MYO3A: variants seen among roughly 807,000 people sequenced by gnomAD.
MYO3A encodes myosin-IIIa.
Under a neutral mutation model 192.7 loss-of-function variants are expected in MYO3A, and 180 were observed. That is an observed-to-expected ratio of 0.93 (90% CI 0.83 to 1.06). The LOEUF (loss-of-function observed/expected upper bound fraction) is 1.06, where lower values mean the gene tolerates loss of function less well. MYO3A is among the 50% of genes least tolerant of loss of function. The probability of loss-of-function intolerance (pLI) is 0.00; values close to 1 mark genes in which losing one functional copy is unlikely to be tolerated. For missense variants in MYO3A, 1,896 were observed against 1,905.0 expected, an observed-to-expected ratio of 1.00 and a Z score of 0.09; for synonymous variants, 628 against 645.3, an observed-to-expected ratio of 0.97 and a Z score of 0.41.
At chr10:26,165,794 T>A in intron 26 of MYO3A, 1 of 504,894 alleles carries the variant, frequency 2.0e-6, no homozygotes. Flanking sequence ...TTTTGACTGA[T>A]GGAGTTCTTG....
intron 25 of MYO3A, among the ~76,000 whole-genome samples, chr10:26,157,095 T>C (rs1841181635): frequency 6.6e-6 from 1 of 152,382 alleles, no homozygotes; most frequent in East Asian, 1.9e-4. Flanking sequence ...TTCTAGTTAC[T>C]GCCTCTACAT....
At chr10:26,070,459 A>G (rs2131389725) in intron 14 of MYO3A, 58 bp downstream of exon 14, 3 of 1,381,260 alleles carry the variant, frequency 2.2e-6, no homozygotes, top group Non-Finnish European at 3.1e-6. Context: ...TCATAACTTA[A>G]TATAACTGAT....
At chr10:26,109,366 A>C (rs915268769) in intron 17 of MYO3A, among the ~76,000 whole-genome samples, 8 of 152,172 alleles carry the variant, frequency 5.3e-5, no homozygotes, top group Non-Finnish European at 1.2e-4. Context: ...TTAAACAGAA[A>C]ATTCTAGAAA....
intron 17 of MYO3A, among the ~76,000 whole-genome samples, chr10:26,106,300 C>T (rs1236229372): frequency 1.3e-5 from 2 of 151,954 alleles, no homozygotes; most frequent in Non-Finnish European, 2.9e-5. Context: ...TGTTTAGATG[C>T]TGTTTCGAGT....
chr10:26,148,894 T>C (rs1183945776), intron 23 of MYO3A, among the ~76,000 whole-genome samples: 1 of 152,210 alleles, frequency 6.6e-6, no homozygotes, highest in Non-Finnish European at 1.5e-5. Flanking sequence ...CCAAAGGATT[T>C]TCTTCACAGA....
intron 31 of MYO3A, among the ~76,000 whole-genome samples, chr10:26,183,241 T>TC (rs1337674977): frequency 2.6e-5 from 4 of 152,142 alleles, no homozygotes; most frequent in Non-Finnish European, 4.4e-5. Flanking sequence ...ACTAAATGTT[T>TC]CGGCTGGGCG....
intron 4 of MYO3A, 84 bp downstream of exon 4, chr10:25,955,092 A>G: frequency 2.0e-6 from 3 of 1,535,108 alleles, no homozygotes; most frequent in Non-Finnish European, 2.7e-6. Context: ...TGTAACATTG[A>G]TATCATAAAA....
chr10:25,970,181 TTAAA>T (rs1307362850), intron 4 of MYO3A, among the ~76,000 whole-genome samples: 1 of 151,902 alleles, frequency 6.6e-6, no homozygotes, highest in Non-Finnish European at 1.5e-5. Context: ...TACATAAAAT[TTAAA>T]TATTCTGGAC....
At chr10:26,203,275 A>G (rs1843759652) in intron 34 of MYO3A, among the ~76,000 whole-genome samples, 168 bp downstream of exon 34, 1 of 152,192 alleles carries the variant, frequency 6.6e-6, no homozygotes. Context: ...GTGTTATGGT[A>G]AAGTAATCAG....
chr10:26,036,890 T>A (rs984035407), intron 10 of MYO3A, among the ~76,000 whole-genome samples: 1 of 152,262 alleles, frequency 6.6e-6, no homozygotes, highest in Non-Finnish European at 1.5e-5. Context: ...CTCCAACTGT[T>A]GGCACCTTTG....
At chr10:26,143,378 T>C in intron 20 of MYO3A, 70 bp from the exon 21 acceptor site, 1 of 1,472,674 alleles carries the variant, frequency 6.8e-7, no homozygotes, top group East Asian at 2.4e-5. Flanking sequence ...ATATGCAAAG[T>C]AAAATTTTAG....
chr10:26,173,129 A>C (rs181040888), intron 29 of MYO3A, among the ~76,000 whole-genome samples: 3 of 152,122 alleles, frequency 2.0e-5, no homozygotes, highest in Admixed American at 6.5e-5. Context: ...ATATTAGCAA[A>C]GTAGCAACTG....
intron 7 of MYO3A, among the ~76,000 whole-genome samples, chr10:26,019,100 C>A (rs375386032): frequency 1.3e-5 from 2 of 151,886 alleles, no homozygotes; most frequent in East Asian, 3.9e-4. Flanking sequence ...TTTTTGCTCC[C>A]CCTCAAAGAA....
intron 31 of MYO3A, among the ~76,000 whole-genome samples, chr10:26,188,475 G>T (rs933299264): frequency 3.9e-5 from 6 of 152,258 alleles, no homozygotes; most frequent in African/African-American, 1.4e-4. Flanking sequence ...TTCTTTGGCT[G>T]TGCAGAAGCT....
chr10:26,037,271 T>C (rs1360476793), intron 10 of MYO3A, among the ~76,000 whole-genome samples: 1 of 152,244 alleles, frequency 6.6e-6, no homozygotes, highest in African/African-American at 2.4e-5. Flanking sequence ...TCTAGTACTT[T>C]GCATGTAGTA....
At chr10:26,147,652 A>G (rs1840551308) in intron 23 of MYO3A, 93 bp downstream of exon 23, 5 of 1,568,924 alleles carry the variant, frequency 3.2e-6, no homozygotes, top group Admixed American at 3.4e-5. Context: ...TTAATTTTTC[A>G]TGTGAGTTTG....
At chr10:26,208,611 A>C (rs1483992677) in intron 34 of MYO3A, among the ~76,000 whole-genome samples, 1 of 152,266 alleles carries the variant, frequency 6.6e-6, no homozygotes, top group Admixed American at 6.5e-5. Context: ...AATAGGTATG[A>C]AAATTCAAGT....
At chr10:26,008,038 T>C (rs1478705075) in intron 6 of MYO3A, among the ~76,000 whole-genome samples, 1 of 149,798 alleles carries the variant, frequency 6.7e-6, no homozygotes, top group African/African-American at 2.5e-5. Context: ...AACACAGATA[T>C]AGATCAATGG....
intron 17 of MYO3A, among the ~76,000 whole-genome samples, chr10:26,099,671 T>C (rs1320731786): frequency 1.3e-5 from 2 of 152,220 alleles, no homozygotes; most frequent in Non-Finnish European, 2.9e-5. Context: ...GAGATAATCA[T>C]GTGGTTTTTG....
Sources: gnomAD v4.1 joint callset for allele counts (sites outside exome capture counted in the v4.1 genomes callset) on GRCh38, gnomAD v4.1.1 for gene constraint, MANE v1.5 for transcripts, NCBI Gene and HGNC (gene_info 2026-07-23, HGNC 2026-07-21) for gene names.